SLC2A7: variants seen among roughly 807,000 people sequenced by gnomAD.
SLC2A7 encodes the protein solute carrier family 2, facilitated glucose transporter member 7.
Under a neutral mutation model 50.5 loss-of-function variants are expected in SLC2A7, and 50 were observed. The observed-to-expected ratio is 0.99, with a 90% CI of 0.79 to 1.25. The LOEUF (loss-of-function observed/expected upper bound fraction) is 1.25. SLC2A7 is among the 50% of genes most tolerant of loss of function. The pLI, the probability that SLC2A7 is intolerant of heterozygous loss-of-function variation, is 0.00. For synonymous variants in SLC2A7, 308 were observed against 300.4 expected, an observed-to-expected ratio of 1.03 and a Z score of -0.26; for missense variants, 683 against 679.1, an observed-to-expected ratio of 1.01 and a Z score of -0.06.
intron 11 of SLC2A7, among the ~76,000 whole-genome samples, chr1:9,004,461 G>A (rs1365032830): frequency 6.6e-6 from 1 of 152,218 alleles, no homozygotes; most frequent in Non-Finnish European, 1.5e-5. Context: ...AGCGGTGGGG[G>A]ATCTGCACCC....
chr1:9,014,718 A>T lies in SLC2A7; in HGVS notation c.866T>A (p.Val289Glu), dbSNP rs1293819872. 6.4e-7 allele frequency: 1 copy of T among 1,568,048 alleles called. No individual in the cohort carries two copies. The highest frequency in any genetic ancestry group is 8.6e-7 in the Non-Finnish European group (1 of 1,156,496). The change falls in exon 7 of 12, where the codon GTG becomes GAG. Residue 289 changes from valine (V) to glutamate (E), a missense_variant. By Grantham distance (121) the Val-to-Glu change is moderately radical (BLOSUM62 -2). Coordinates refer to ENST00000400906, the MANE Select transcript of SLC2A7 (RefSeq NM_207420.3). Reference sequence around the variant, plus strand: ...CGACAGCTGCTGGCCGGCCATGAGCACGATGATGGAGAGGAGCTGCCAGCG... The same window carrying T: ...CGACAGCTGCTGGCCGGCCATGAGCTCGATGATGGAGAGGAGCTGCCAGCG... ...SLRWQLLSII[V>E]LMAGQQLSGI...
At chr1:9,022,481 T>C (rs1205340448) in intron 3 of SLC2A7, among the ~76,000 whole-genome samples, 3 of 152,176 alleles carry the variant, frequency 2.0e-5, no homozygotes, top group African/African-American at 7.2e-5. Flanking sequence ...GCCGGCAGCG[T>C]GACTCAGCCT....
At chr1:9,014,307 C>T (rs1640793070) in intron 7 of SLC2A7, among the ~76,000 whole-genome samples, 1 of 152,234 alleles carries the variant, frequency 6.6e-6, no homozygotes, top group South Asian at 2.1e-4. Flanking sequence ...CCACAAACAT[C>T]ACAGACAAGT....
chr1:9,015,269 C>T (rs1417842619), intron 5 of SLC2A7, 27 bp from the exon 6 acceptor site: 4 of 1,554,666 alleles, frequency 2.6e-6, no homozygotes, highest in Non-Finnish European at 3.5e-6. Flanking sequence ...ACTCAGGATC[C>T]CGGGGCCTGG....
At chr1:9,017,193 G>T (rs1290130135) in intron 5 of SLC2A7, among the ~76,000 whole-genome samples, 1 of 152,178 alleles carries the variant, frequency 6.6e-6, no homozygotes, top group Non-Finnish European at 1.5e-5. Context: ...GGTGGCGCTC[G>T]CTTGTAATCC....
At chr1:9,024,758 C>T (rs562812971) in intron 2 of SLC2A7, among the ~76,000 whole-genome samples, 19 of 152,100 alleles carry the variant, frequency 1.2e-4, no homozygotes, top group Non-Finnish European at 2.6e-4. Context: ...CCAATGTGCC[C>T]GGAAAGGACG....
intron 10 of SLC2A7, 113 bp from the exon 11 acceptor site, chr1:9,004,992 G>A (rs1339959570): frequency 3.9e-6 from 5 of 1,269,170 alleles, no homozygotes; most frequent in Admixed American, 2.7e-5. Flanking sequence ...GTACCAGCTG[G>A]GATTGGGGAC....
intron 2 of SLC2A7, among the ~76,000 whole-genome samples, chr1:9,023,777 T>A (rs867606295): frequency 6.8e-6 from 1 of 146,198 alleles, no homozygotes. Context: ...AAAAAAAAAA[T>A]TTTACTTTTG....
In SLC2A7 at chr1:9,026,410, C is replaced by T; in HGVS notation, c.-65G>A. ...AGTGACACCTGCTCTGCGCCAGCCA[C>T]CTAAAGACCGGCTGTTTCTCCCCTG... On this transcript the variant is annotated 5_prime_UTR_variant, in exon 1 of 12. The change creates a new upstream start codon in the 5' untranslated region. Transcript: ENST00000400906. 1 of 1,482,980 alleles carries T rather than the reference C, an allele frequency of 6.7e-7. No homozygotes were observed. Among genetic ancestry groups the T allele is most frequent in the Admixed American group, 2.1e-5 (1 of 47,870 alleles). 91.9% of individuals were successfully genotyped at this position (1,482,980 alleles called of 1,614,324 possible).
downstream of SLC2A7, among the ~76,000 whole-genome samples, chr1:9,001,946 C>G (rs1048837536): frequency 1.3e-5 from 2 of 152,138 alleles, no homozygotes; most frequent in Non-Finnish European, 2.9e-5. Flanking sequence ...AATCTGTAAC[C>G]CTAGCCCCAA....
At chr1:8,993,990 A>T in the SLC2A7 span, among the ~76,000 whole-genome samples, 12,743 of 152,320 alleles carry the variant, frequency 0.084, 688 homozygotes, top group East Asian at 0.22. Flanking sequence ...TGACCAAGTT[A>T]TCTGCAAGAA....
chr1:9,018,078 G>A (rs971758716), intron 5 of SLC2A7, 145 bp downstream of exon 5: 13 of 1,097,020 alleles, frequency 1.2e-5, no homozygotes, highest in Middle Eastern at 3.0e-4. Flanking sequence ...CCCCGACCAC[G>A]TCACCCATCC....
downstream of SLC2A7, among the ~76,000 whole-genome samples, chr1:9,002,772 G>A (rs184765822): frequency 6.6e-6 from 1 of 152,328 alleles, no homozygotes; most frequent in African/African-American, 2.4e-5. Flanking sequence ...CACCTGACGA[G>A]AAATACCCAC....
rs1640597176 is a variant in SLC2A7, at chr1:9,003,006, T to C, written c.*294A>G. 6.6e-6 allele frequency among the ~76,000 whole-genome samples: 1 copy of C among 152,236 alleles called. No individual in the cohort carries two copies. The highest frequency in any genetic ancestry group is 2.1e-4 in the South Asian group (1 of 4,836). On this transcript the variant is annotated 3_prime_UTR_variant, in exon 12 of 12. Transcript: ENST00000400906. ...CTTGAAAAGTTTTACTTTAAAAAAG[T>C]GCATCTATACATCATTTAAATTTTG... is the stretch of plus-strand genomic sequence containing the variant.
Position 9,026,419 on chromosome 1 carries a change from C to T in SLC2A7, c.-74G>A, listed in dbSNP as rs369445583. 184 of 1,437,694 alleles carry T rather than the reference C, an allele frequency of 1.3e-4. 1 individual carries two copies. The highest frequency in any genetic ancestry group is 1.5e-4 in the Non-Finnish European group (163 of 1,061,856). The allele number at this position is 1,437,694 out of a possible 1,614,324, so 89.1% of individuals were successfully genotyped here. A position where few individuals can be genotyped will look rare whatever the true frequency, so the allele number is the denominator to read the frequency against. ...TGCTCTGCGCCAGCCACCTAAAGAC[C>T]GGCTGTTTCTCCCCTGGGCCTACCT... On this transcript the variant is annotated 5_prime_UTR_variant, in exon 1 of 12. Coordinates refer to ENST00000400906, the MANE Select transcript of SLC2A7 (RefSeq NM_207420.3).
At chr1:9,019,775 T>G (rs1199215875) in intron 3 of SLC2A7, among the ~76,000 whole-genome samples, 2 of 151,980 alleles carry the variant, frequency 1.3e-5, no homozygotes, top group Admixed American at 1.3e-4. Context: ...GAAACAAAAG[T>G]CAGCCAGGCG....
chr1:9,012,673 T>C (rs181337045), intron 8 of SLC2A7, among the ~76,000 whole-genome samples: 9 of 152,334 alleles, frequency 5.9e-5, no homozygotes, highest in East Asian at 1.9e-4. Context: ...AGGAGATAAC[T>C]TGAAAATGGT....
chr1:9,007,285 G>GA, intron 10 of SLC2A7, 25 bp downstream of exon 10: 1 of 1,613,548 alleles, frequency 6.2e-7, no homozygotes, highest in East Asian at 2.2e-5. Context: ...GATGGCCGGG[G>GA]CGAGGGAGGC....
At chr1:9,001,036 A>C (rs1286106802), downstream of SLC2A7, among the ~76,000 whole-genome samples, 2 of 152,108 alleles carry the variant, frequency 1.3e-5, no homozygotes, top group Admixed American at 6.6e-5. Context: ...AATAGCTGTC[A>C]TTGTTTTAAG....
Sources: allele counts gnomAD v4.1 joint callset (sites outside exome capture counted in the v4.1 genomes callset), GRCh38; gene constraint gnomAD v4.1.1; transcripts MANE v1.5; gene names NCBI Gene and HGNC (gene_info 2026-07-23, HGNC 2026-07-21).